Variants in GALNT3 observed in about 807,000 individuals in gnomAD.
GALNT3 encodes polypeptide N-acetylgalactosaminyltransferase 3.
In GALNT3, 51 loss-of-function variants were observed where a neutral mutation model predicts 69.8. The ratio of observed to expected loss-of-function variants is 0.73; its 90% CI spans 0.58 to 0.92. GALNT3 has a LOEUF of 0.92. Among genes scored for constraint, GALNT3 ranks in the 40% least tolerant of loss-of-function variants. The probability of loss-of-function intolerance (pLI) is 0.00; values close to 1 mark genes in which losing one functional copy is unlikely to be tolerated. For missense variants in GALNT3, 711 were observed against 760.0 expected (o/e 0.94, Z 0.76); for synonymous variants, 265 against 248.5 (o/e 1.07, Z -0.63).
At position 165,758,584 on chromosome 2, in the gene GALNT3, C is replaced by T. The variant is rs1010890860; in HGVS notation, c.1191+163G>A. On this transcript the variant is annotated intron_variant, in intron 6 of 10. Coordinates refer to ENST00000392701, the MANE Select transcript of GALNT3 (RefSeq NM_004482.4). The stretch of plus-strand genomic sequence containing the variant: ...GACAATGAATAAATATATTAAGTTA[C>T]ATATTAAAAGAAAATATTCTTATTC... 1.0e-4 allele frequency: 58 copies of T among 565,028 alleles called. No homozygotes were observed. In the East Asian group the frequency reaches 1.6e-3, roughly 15 times the overall value. The allele number at this position is 565,028 out of a possible 1,614,324, so 35.0% of individuals were successfully genotyped here.
chr2:165,768,710 T>G (rs999835280), intron 2 of GALNT3, among the ~76,000 whole-genome samples: 2 of 151,642 alleles, frequency 1.3e-5, no homozygotes, highest in Non-Finnish European at 2.9e-5. Context: ...TCAAGTTCAC[T>G]GCCAAATGTA....
At chr2:165,786,958 T>C (rs551863736) in intron 1 of GALNT3, among the ~76,000 whole-genome samples, 1 of 152,348 alleles carries the variant, frequency 6.6e-6, no homozygotes, top group Admixed American at 6.5e-5. Flanking sequence ...ATATAAACTA[T>C]TATTACTTGA....
chr2:165,792,351 T>C (rs1683372083), intron 1 of GALNT3, among the ~76,000 whole-genome samples: 1 of 152,230 alleles, frequency 6.6e-6, no homozygotes, highest in Non-Finnish European at 1.5e-5. Context: ...TAGTAAGTAA[T>C]GAAGACTAAT....
chr2:165,757,032 T>A lies in GALNT3; in HGVS notation c.1392+15A>T. 6.3e-7 allele frequency: 1 copy of A among 1,590,128 alleles called. No individual in the cohort carries two copies. The highest frequency in any genetic ancestry group is 8.6e-7 in the Non-Finnish European group (1 of 1,158,772). The stretch of plus-strand genomic sequence containing the variant: ...ATAGATTTTATTGCAATTTAACTAC[T>A]TAGCTTTAACTTACTTGTTTAACAA... On this transcript the variant is annotated intron_variant, in intron 7 of 10. Coordinates refer to ENST00000392701, the MANE Select transcript of GALNT3 (RefSeq NM_004482.4).
At chr2:165,792,415 C>A (rs1025910031) in intron 1 of GALNT3, among the ~76,000 whole-genome samples, 1 of 152,126 alleles carries the variant, frequency 6.6e-6, no homozygotes, top group African/African-American at 2.4e-5. Flanking sequence ...GTATTTAGCA[C>A]ATTTGTTTCT....
rs763773431 is a variant in GALNT3, at chr2:165,757,030, ACTTAG to A, written c.1392+12_1392+16del. On this transcript the variant is annotated intron_variant, in intron 7 of 10. Coordinates refer to ENST00000392701, the MANE Select transcript of GALNT3 (RefSeq NM_004482.4). ...TTATAGATTTTATTGCAATTTAACT[ACTTAG>A]CTTTAACTTACTTGTTTAACAATTT... 1.0e-5 allele frequency: 16 copies of A among 1,575,736 alleles called. No homozygotes were observed. In the Admixed American group the frequency reaches 2.7e-4, roughly 26 times the overall value.
intron 1 of GALNT3, among the ~76,000 whole-genome samples, chr2:165,783,768 TAA>T (rs1683163128): frequency 6.6e-6 from 1 of 152,198 alleles, no homozygotes; most frequent in Non-Finnish European, 1.5e-5. Context: ...CTAGAAATTC[TAA>T]AAGACTTCAA....
At position 165,748,464 on chromosome 2, in the gene GALNT3, T is replaced by C. The variant is rs575253569; in HGVS notation, c.*317A>G. On this transcript the variant is annotated 3_prime_UTR_variant, in exon 11 of 11. Coordinates refer to ENST00000392701, the MANE Select transcript of GALNT3 (RefSeq NM_004482.4). Reference sequence around the variant, plus strand: ...AATTGTGAGTGTGTGAATGTAGCTATATATATATATCCCTAAGTGTACAAA... The same window carrying C: ...AATTGTGAGTGTGTGAATGTAGCTACATATATATATCCCTAAGTGTACAAA... The C allele has an allele frequency of 6.8e-5, 25 of 366,234 alleles. No individual in the cohort carries two copies. Among genetic ancestry groups the C allele is most frequent in the African/African-American group, 4.8e-4 (23 of 48,286 alleles). The allele number at this position is 366,234 out of a possible 1,614,324, so 22.7% of individuals were successfully genotyped here.
rs1688498962 is a variant in GALNT3, at chr2:165,759,197, CT to C, written c.1073+138del. 3 of 754,034 alleles carry C rather than the reference CT, an allele frequency of 4.0e-6. No homozygotes were observed. In the South Asian group the frequency reaches 4.9e-5, roughly 12 times the overall value. 46.7% of individuals were successfully genotyped at this position (754,034 alleles called of 1,614,324 possible). On this transcript the variant is annotated intron_variant, in intron 5 of 10. Transcript: ENST00000392701. ...TATAAGCAAGTACACAAATGAATGA[CT>C]TTTAGATTCTCTTTATATAGAATAT...
At chr2:165,762,290 ACT>A (rs773383774) in intron 3 of GALNT3, among the ~76,000 whole-genome samples, 166 of 152,306 alleles carry the variant, frequency 1.1e-3, no homozygotes, top group Admixed American at 3.5e-3. Flanking sequence ...TATTCTGTAC[ACT>A]TCCTATCAAT....
intron 7 of GALNT3, 25 bp from the exon 8 acceptor site, chr2:165,755,088 G>A: frequency 6.3e-7 from 1 of 1,597,164 alleles, no homozygotes; most frequent in Non-Finnish European, 8.6e-7. Flanking sequence ...GAAATGAAGG[G>A]AATGCTTAAT....
At chr2:165,782,855 T>C (rs1241917796) in intron 1 of GALNT3, among the ~76,000 whole-genome samples, 1 of 152,152 alleles carries the variant, frequency 6.6e-6, no homozygotes, top group African/African-American at 2.4e-5. Context: ...CTGTGACTCT[T>C]GATTGCAGCA....
At chr2:165,778,592 T>C (rs1405194136) in intron 1 of GALNT3, among the ~76,000 whole-genome samples, 2 of 152,080 alleles carry the variant, frequency 1.3e-5, no homozygotes, top group Non-Finnish European at 2.9e-5. Context: ...AAGGAAGGGC[T>C]CTCCTCTCAC....
At chr2:165,758,717 AT>A (rs1269048238) in intron 6 of GALNT3, 29 bp downstream of exon 6, 1 of 1,222,158 alleles carries the variant, frequency 8.2e-7, no homozygotes, top group Middle Eastern at 2.0e-4. Flanking sequence ...TGTTTAATAT[AT>A]CTGCTATATT....
intron 7 of GALNT3, 69 bp downstream of exon 7, chr2:165,756,978 A>C (rs1329260310): frequency 4.1e-6 from 5 of 1,210,602 alleles, no homozygotes; most frequent in Non-Finnish European, 6.0e-6. Flanking sequence ...CTTGAGATGA[A>C]TCGACGCAAA....
intron 1 of GALNT3, among the ~76,000 whole-genome samples, chr2:165,779,806 T>C (rs1683064615): frequency 6.6e-6 from 1 of 152,224 alleles, no homozygotes; most frequent in African/African-American, 2.4e-5. Flanking sequence ...ACTTACATAA[T>C]TGGCTGCGAG....
intron 1 of GALNT3, among the ~76,000 whole-genome samples, chr2:165,772,339 C>T (rs1377705018): frequency 6.6e-6 from 1 of 152,058 alleles, no homozygotes; most frequent in Non-Finnish European, 1.5e-5. Context: ...AATCCCAACA[C>T]TTTAGGAAGC....
Position 165,779,229 on chromosome 2 carries a change from CCAGTGCCCTCTA to C in GALNT3, c.-108-8433_-108-8422del, listed in dbSNP as rs138549950. 4.8e-3 allele frequency among the ~76,000 whole-genome samples: 738 copies of C among 152,274 alleles called. 5 individuals are homozygous for C. The highest frequency in any genetic ancestry group is 0.017 in the African/African-American group (716 of 41,530). On this transcript the variant is annotated intron_variant, in intron 1 of 10. Transcript: ENST00000392701. ...AAGCCTCAGCCACTTCAGTGTCCCTCCAGTGCCCTCTACTGACAAGGCTTAACATTGTACGAG... is the reference window on the plus strand; with the variant it reads ...AAGCCTCAGCCACTTCAGTGTCCCTCCTGACAAGGCTTAACATTGTACGAG...
intron 1 of GALNT3, among the ~76,000 whole-genome samples, chr2:165,776,831 A>ACC (rs1328908816): frequency 2.0e-5 from 3 of 152,214 alleles, no homozygotes; most frequent in Non-Finnish European, 2.9e-5. Context: ...AAAATAATCT[A>ACC]ACTAACAAGT....
Sources: allele counts gnomAD v4.1 joint callset (sites outside exome capture counted in the v4.1 genomes callset), GRCh38; gene constraint gnomAD v4.1.1; transcripts MANE v1.5; gene names NCBI Gene and HGNC (gene_info 2026-07-23, HGNC 2026-07-21).